The following EMC2 variants were observed in gnomAD, a reference collection of about 807,000 sequenced individuals.
EMC2 encodes the protein ER membrane protein complex subunit 2.
EMC2 carries 37 observed loss-of-function variants against 51.6 expected under a neutral mutation model. The ratio of observed to expected loss-of-function variants is 0.72; its 90% confidence interval spans 0.55 to 0.94. The LOEUF is 0.94. Among genes scored for constraint, EMC2 ranks in the 40% least tolerant of loss-of-function variants. The probability of loss-of-function intolerance (pLI) is 0.00; values close to 1 mark genes in which losing one functional copy is unlikely to be tolerated. For synonymous variants in EMC2, 131 were observed against 112.4 expected (o/e 1.17, Z -1.04); for missense variants, 359 against 350.9 (o/e 1.02, Z -0.18).
chr8:108,470,182 A>G (rs932545019), intron 7 of EMC2, 61 bp downstream of exon 7: 44 of 1,160,966 alleles, frequency 3.8e-5, no homozygotes, highest in South Asian at 6.4e-5. Flanking sequence ...AAGTTCAGAA[A>G]GCACTGTGGT....
chr8:108,456,003 GATAC>G, intron 5 of EMC2, 73 bp downstream of exon 5: 1 of 568,912 alleles, frequency 1.8e-6, no homozygotes, highest in Non-Finnish European at 3.0e-6. Flanking sequence ...GGAAATAATA[GATAC>G]ATAAGGAACT....
chr8:108,444,767 C>T (rs1586171448), intron 1 of EMC2, among the ~76,000 whole-genome samples: 1 of 152,130 alleles, frequency 6.6e-6, no homozygotes, highest in South Asian at 2.1e-4. Flanking sequence ...GTATTTATAC[C>T]TGAATTGAGG....
intron 1 of EMC2, among the ~76,000 whole-genome samples, chr8:108,444,224 C>G (rs990058689): frequency 2.0e-5 from 3 of 152,140 alleles, no homozygotes; most frequent in African/African-American, 7.2e-5. Flanking sequence ...GTTTCTTTTC[C>G]TTTTAGTCTA....
Position 108,445,543 on chromosome 8 carries a change from A to G in EMC2, c.40+1845A>G, listed in dbSNP as rs75155388. 6.3e-3 allele frequency among the ~76,000 whole-genome samples: 965 copies of G among 152,204 alleles called. 8 individuals are homozygous for G. Among genetic ancestry groups the G allele is most frequent in the Non-Finnish European group, 0.012 (784 of 68,002 alleles). On this transcript the variant is annotated intron_variant, in intron 1 of 10. Coordinates refer to ENST00000220853, the MANE Select transcript of EMC2 (RefSeq NM_014673.5). ...CCACAAAGCTCACCTACTACAAAAAAGCCTTACTTGACCACTCTACTACCC... is the reference window on the plus strand; with the variant it reads ...CCACAAAGCTCACCTACTACAAAAAGGCCTTACTTGACCACTCTACTACCC...
At chr8:108,459,230 T>C (rs1343586435) in intron 5 of EMC2, among the ~76,000 whole-genome samples, 1 of 152,196 alleles carries the variant, frequency 6.6e-6, no homozygotes, top group East Asian at 1.9e-4. Flanking sequence ...TCCCATCTTC[T>C]TCTGACCCCT....
intron 5 of EMC2, among the ~76,000 whole-genome samples, chr8:108,457,337 T>C (rs902202448): frequency 3.6e-3 from 168 of 46,198 alleles, no homozygotes; most frequent in African/African-American, 7.1e-3. Context: ...TGTGCGTGTG[T>C]GTGTGTGTGT....
At chr8:108,453,547 C>A (rs1200404093) in intron 4 of EMC2, among the ~76,000 whole-genome samples, 1 of 151,388 alleles carries the variant, frequency 6.6e-6, no homozygotes, top group Non-Finnish European at 1.5e-5. Context: ...TTCAGTTTAT[C>A]ATTTTTTTTT....
intron 5 of EMC2, among the ~76,000 whole-genome samples, chr8:108,458,680 G>A (rs1819228177): frequency 6.6e-6 from 1 of 152,094 alleles, no homozygotes; most frequent in South Asian, 2.1e-4. Context: ...CTTGGGCCTG[G>A]CTCATGAAAC....
chr8:108,477,906 C>T (rs181583001), intron 9 of EMC2, among the ~76,000 whole-genome samples: 16 of 152,154 alleles, frequency 1.1e-4, no homozygotes, highest in African/African-American at 3.4e-4. Context: ...ATACTATCCT[C>T]AGGTGGTGAA....
intron 7 of EMC2, chr8:108,470,807 C>T (rs1323357238): frequency 6.6e-6 from 1 of 151,704 alleles, no homozygotes; most frequent in African/African-American, 2.4e-5. Context: ...CTTAGTTCTT[C>T]TAAATCTGAA....
intron 5 of EMC2, among the ~76,000 whole-genome samples, chr8:108,467,503 C>A (rs1349207584): frequency 9.1e-6 from 1 of 109,774 alleles, no homozygotes; most frequent in East Asian, 2.7e-4. Context: ...TGCACACCAC[C>A]ACGCTCAGCT....
At chr8:108,454,347 C>T (rs952335050) in intron 4 of EMC2, among the ~76,000 whole-genome samples, 3 of 151,962 alleles carry the variant, frequency 2.0e-5, no homozygotes, top group Admixed American at 2.0e-4. Context: ...TTCGTATTTT[C>T]TCTCTCTCAG....
intron 5 of EMC2, among the ~76,000 whole-genome samples, chr8:108,468,055 A>G (rs17343331): frequency 0.018 from 2,701 of 152,320 alleles, 42 homozygotes; most frequent in South Asian, 0.046. Flanking sequence ...ATTTCAAAAC[A>G]GACATTATGC....
At chr8:108,477,743 C>G (rs926987767) in intron 9 of EMC2, among the ~76,000 whole-genome samples, 2 of 152,066 alleles carry the variant, frequency 1.3e-5, no homozygotes, top group Non-Finnish European at 2.9e-5. Context: ...AGAAGTATCT[C>G]TGTATCAAAT....
At chr8:108,472,076 A>G (rs1020418783) in intron 7 of EMC2, among the ~76,000 whole-genome samples, 7 of 151,990 alleles carry the variant, frequency 4.6e-5, no homozygotes, top group African/African-American at 1.7e-4. Context: ...TTAAATACTG[A>G]CTTCTTAAAA....
intron 5 of EMC2, among the ~76,000 whole-genome samples, chr8:108,465,600 G>A (rs941248297): frequency 6.6e-6 from 1 of 152,128 alleles, no homozygotes; most frequent in Admixed American, 6.6e-5. Context: ...TCTTTTAGTA[G>A]CGTGTTTTTC....
intron 4 of EMC2, among the ~76,000 whole-genome samples, chr8:108,453,670 T>G (rs967879258): frequency 9.9e-5 from 15 of 152,178 alleles, no homozygotes; most frequent in African/African-American, 3.1e-4. Flanking sequence ...ATTTTTAGTT[T>G]GTAAGAGTGC....
intron 1 of EMC2, among the ~76,000 whole-genome samples, chr8:108,445,611 C>T (rs1818860307): frequency 6.6e-6 from 1 of 151,844 alleles, no homozygotes; most frequent in Admixed American, 6.6e-5. Flanking sequence ...AAAAAAAAAC[C>T]CAAACAATAA....
intron 7 of EMC2, among the ~76,000 whole-genome samples, chr8:108,473,223 G>T (rs957643180): frequency 6.6e-6 from 1 of 151,906 alleles, no homozygotes; most frequent in Non-Finnish European, 1.5e-5. Context: ...TGAGACACTT[G>T]TTCTAAAGTT....
Sources: allele counts gnomAD v4.1 joint callset (sites outside exome capture counted in the v4.1 genomes callset), GRCh38; gene constraint gnomAD v4.1.1; transcripts MANE v1.5; gene names NCBI Gene and HGNC (gene_info 2026-07-23, HGNC 2026-07-21).